TXN: variants seen among roughly 807,000 people sequenced by gnomAD.
TXN encodes the protein ADF.
TXN carries 10 observed loss-of-function variants against 16.5 expected under a neutral mutation model. The ratio of observed to expected loss-of-function variants is 0.61; its 90% CI spans 0.37 to 1.03. The LOEUF is 1.03. Among genes scored for constraint, TXN ranks in the 50% least tolerant of loss-of-function variants. The probability of loss-of-function intolerance (pLI) is 0.01; values close to 1 mark genes in which losing one functional copy is unlikely to be tolerated. For missense variants in TXN, 71 were observed against 122.5 expected (o/e 0.58, Z 1.98); for synonymous variants, 35 against 39.4 (o/e 0.89, Z 0.42).
intron 1 of TXN, among the ~76,000 whole-genome samples, chr9:110,255,190 G>A (rs775640455): frequency 3.9e-5 from 6 of 152,236 alleles, no homozygotes; most frequent in Non-Finnish European, 7.3e-5. Flanking sequence ...GGCACCCGAG[G>A]CGGGCGAGGA....
intron 1 of TXN, among the ~76,000 whole-genome samples, chr9:110,255,586 GC>G (rs1236212842): frequency 1.4e-4 from 21 of 152,198 alleles, no homozygotes; most frequent in African/African-American, 4.6e-4. Flanking sequence ...GGCAGCCGAG[GC>G]CCCCGGGCCC....
chr9:110,250,621 T>A (rs571420789), intron 3 of TXN, among the ~76,000 whole-genome samples, 199 bp downstream of exon 3: 15 of 152,330 alleles, frequency 9.8e-5, no homozygotes, highest in Middle Eastern at 3.4e-3. Context: ...TTTATTTTTG[T>A]TTACTTTAGG....
chr9:110,251,308 A>G (rs4135192), intron 2 of TXN, 50 bp downstream of exon 2: 385,031 of 1,374,862 alleles, frequency 0.28, 58,931 homozygotes, highest in Non-Finnish European at 0.32. Context: ...TGTGACCACC[A>G]ACTCAAAAAA....
Position 110,245,602 on chromosome 9 carries a change from T to TATACACAC in TXN, c.190-760_190-759insGTGTGTAT, listed in dbSNP as rs200327890. On this transcript the variant is annotated intron_variant, in intron 3 of 4. Transcript: ENST00000374517. ...TTTTGTGTGTGTGTGTGTATATATATACACACACACACACACTATATATAT... is the reference window on the plus strand; with the variant it reads ...TTTTGTGTGTGTGTGTGTATATATATATACACACACACACACACACACACTATATATAT... Among the ~76,000 whole-genome samples, 286 of 62,450 alleles carry TATACACAC rather than the reference T, an allele frequency of 4.6e-3. 20 individuals are homozygous for TATACACAC. The highest frequency in any genetic ancestry group is 0.018 in the Admixed American group (65 of 3,614). The allele number at this position is 62,450 out of a possible 152,430, so 41.0% of individuals were successfully genotyped here.
chr9:110,244,298 T>TA, intron 4 of TXN, 79 bp from the exon 5 acceptor site: 2 of 500,740 alleles, frequency 4.0e-6, no homozygotes, highest in Non-Finnish European at 3.2e-6. Flanking sequence ...TAAATATGTA[T>TA]TTATATATAT....
intron 3 of TXN, 99 bp downstream of exon 3, chr9:110,250,721 A>G: frequency 1.0e-6 from 1 of 985,878 alleles, no homozygotes; most frequent in Non-Finnish European, 1.6e-6. Context: ...TTACAGTTCT[A>G]GAATTATTTG....
chr9:110,252,245 A>AAG (rs199937630), intron 1 of TXN, among the ~76,000 whole-genome samples: 1 of 136,144 alleles, frequency 7.3e-6, no homozygotes. Flanking sequence ...AAAAAAAAAA[A>AAG]GCTATGACTT....
At chr9:110,245,341 A>G (rs1478882092) in intron 3 of TXN, among the ~76,000 whole-genome samples, 4 of 151,972 alleles carry the variant, frequency 2.6e-5, no homozygotes, top group African/African-American at 7.2e-5. Context: ...GTCTAAAAAA[A>G]TAAAAATCAA....
chr9:110,251,527 T>C, intron 1 of TXN, 65 bp from the exon 2 acceptor site: 1 of 709,342 alleles, frequency 1.4e-6, no homozygotes, highest in Non-Finnish European at 2.1e-6. Context: ...AAAGAAAGAC[T>C]CGACACAATG....
chr9:110,254,119 C>T (rs4135172), intron 1 of TXN, among the ~76,000 whole-genome samples: 15,015 of 150,836 alleles, frequency 0.1, 835 homozygotes, highest in East Asian at 0.22. Flanking sequence ...AAATAGATCC[C>T]AGTTGGCCCT....
Position 110,256,364 on chromosome 9 carries a change from G to C in TXN, c.24+48C>G, listed in dbSNP as rs1269521563. The C allele has an allele frequency of 6.3e-7, 1 of 1,584,356 alleles. No individual in the cohort carries two copies. Among genetic ancestry groups the C allele is most frequent in the South Asian group, 1.1e-5 (1 of 87,826 alleles). On this transcript the variant is annotated intron_variant, in intron 1 of 4. Transcript: ENST00000374517. This position sits in a 1 kb window ranked among gnomAD's most constrained non-coding sequence, Gnocchi z 4.2. Reference sequence around the variant, plus strand: ...CCCGCCACCGCCTTCCCCAGTTACAGAGGCCGCGCGCGGCGCCGGCACCCT... The same window carrying C: ...CCCGCCACCGCCTTCCCCAGTTACACAGGCCGCGCGCGGCGCCGGCACCCT...
chr9:110,245,559 G>A (rs1195730953), intron 3 of TXN, among the ~76,000 whole-genome samples: 4 of 123,662 alleles, frequency 3.2e-5, no homozygotes, highest in Non-Finnish European at 6.5e-5. Context: ...ACAGGCACAC[G>A]CCACCACACC....
intron 3 of TXN, among the ~76,000 whole-genome samples, chr9:110,245,602 T>TACACACACACAC (rs1554766611): frequency 1.6e-5 from 1 of 62,502 alleles, no homozygotes; most frequent in African/African-American, 5.6e-5. Context: ...TGTATATATA[T>TACACACACACAC]ACACACACAC....
At chr9:110,245,590 T>TGC (rs1837636709) in intron 3 of TXN, among the ~76,000 whole-genome samples, 1 of 86,648 alleles carries the variant, frequency 1.2e-5, no homozygotes, top group Non-Finnish European at 2.3e-5. Flanking sequence ...TGTGTGTGTG[T>TGC]GTGTATATAT....
chr9:110,249,858 A>C lies in TXN; in HGVS notation c.189+962T>G, dbSNP rs141589543. 2.0e-3 allele frequency among the ~76,000 whole-genome samples: 297 copies of C among 152,302 alleles called. 2 individuals are homozygous for C. Among genetic ancestry groups the C allele is most frequent in the African/African-American group, 6.8e-3 (283 of 41,572 alleles). ...CTCAAGGAAGAGGAGTGACTGGCCT[A>C]AGCAGATGCTAGTGAGCCAGGACTG... On this transcript the variant is annotated intron_variant, in intron 3 of 4. Coordinates refer to ENST00000374517, the MANE Select transcript of TXN (RefSeq NM_003329.4).
At chr9:110,255,520 G>T (rs1837797611) in intron 1 of TXN, among the ~76,000 whole-genome samples, 1 of 152,236 alleles carries the variant, frequency 6.6e-6, no homozygotes, top group Non-Finnish European at 1.5e-5. Flanking sequence ...CTGCTCCCAG[G>T]AGGAACCCTG....
intron 1 of TXN, among the ~76,000 whole-genome samples, chr9:110,254,929 C>T (rs1169811078): frequency 6.6e-6 from 1 of 152,122 alleles, no homozygotes; most frequent in Admixed American, 6.5e-5. Context: ...ATTTGTCACA[C>T]AATAGGTGCT....
chr9:110,248,324 G>A (rs533579968), intron 3 of TXN, among the ~76,000 whole-genome samples: 1 of 152,260 alleles, frequency 6.6e-6, no homozygotes, highest in East Asian at 1.9e-4. Flanking sequence ...TCCCGTTTAT[G>A]GCAAGTACCT....
chr9:110,256,507 CA>C, upstream of TXN: 1 of 1,518,732 alleles, frequency 6.6e-7, no homozygotes, highest in Non-Finnish European at 9.0e-7. The surrounding 1 kb of genome is among the most constrained non-coding windows in gnomAD (Gnocchi z 4.2). Flanking sequence ...AACAGAGCTT[CA>C]AGACTCGCTG....
Sources: allele counts gnomAD v4.1 joint callset (sites outside exome capture counted in the v4.1 genomes callset), GRCh38; gene constraint gnomAD v4.1.1; non-coding constraint Gnocchi (gnomAD v3.1); transcripts MANE v1.5; gene names NCBI Gene and HGNC (gene_info 2026-07-23, HGNC 2026-07-21).